The following ANKFN1 variants were observed in gnomAD, a reference collection of about 807,000 sequenced individuals.
The protein encoded by ANKFN1 is ankyrin repeat and fibronectin type III domain containing 1.
In ANKFN1, 74 loss-of-function variants were observed where a neutral mutation model predicts 108.7. The observed-to-expected ratio is 0.68, with a 90% CI of 0.56 to 0.83. The LOEUF is 0.83. Ranked by LOEUF, ANKFN1 falls within the 40% of genes least tolerant of loss-of-function variation. The pLI is 0.00. For missense variants in ANKFN1, 1,505 were observed against 1,382.3 expected, an observed-to-expected ratio of 1.09 and a Z score of -1.41; for synonymous variants, 547 against 516.2, an observed-to-expected ratio of 1.06 and a Z score of -0.81.
intron 4 of ANKFN1, among the ~76,000 whole-genome samples, chr17:56,093,902 G>A (rs1403840371): frequency 6.6e-6 from 1 of 151,258 alleles, no homozygotes; most frequent in African/African-American, 2.4e-5. Flanking sequence ...ACCTCAGAAT[G>A]TAACCTTATT....
At position 56,516,425 on chromosome 17, in the gene ANKFN1, G is replaced by A. The variant is rs936664133; in HGVS notation, c.*5156G>A. On this transcript the variant is annotated 3_prime_UTR_variant, in exon 21 of 21. Coordinates refer to ENST00000682825, the MANE Select transcript of ANKFN1 (RefSeq NM_001370326.1). ...GGTTGTTACTTGTTCAGAATTTATT[G>A]TGTCTTATTGCTATGTATGCAACTG... Among the ~76,000 whole-genome samples, 2 of 152,116 alleles carry A rather than the reference G, an allele frequency of 1.3e-5. No individual in the cohort carries two copies. Among genetic ancestry groups the A allele is most frequent in the African/African-American group, 2.4e-5 (1 of 41,424 alleles).
At chr17:56,049,080 A>G (rs944652453) in intron 4 of ANKFN1, among the ~76,000 whole-genome samples, 3 of 152,176 alleles carry the variant, frequency 2.0e-5, no homozygotes, top group African/African-American at 7.2e-5. Context: ...GATTTGTAGA[A>G]TACTTCTTTT....
chr17:56,368,092 C>T lies in ANKFN1; in HGVS notation c.602-4554C>T, dbSNP rs558519381. 4.9e-6 allele frequency: 5 copies of T among 1,028,102 alleles called. No individual in the cohort carries two copies. The South Asian group carries it at 7.9e-5, about 16-fold the overall frequency. The allele number at this position is 1,028,102 out of a possible 1,614,324, so 63.7% of individuals were successfully genotyped here. ...TCAGATCCAGAGGCTAGTAGTTACA[C>T]TTCTGTAACACCAGATGTTAGTGAC... On this transcript the variant is annotated intron_variant, in intron 6 of 20. Transcript: ENST00000682825.
intron 19 of ANKFN1, among the ~76,000 whole-genome samples, chr17:56,494,062 C>A (rs1312442416): frequency 6.6e-6 from 1 of 152,148 alleles, no homozygotes; most frequent in African/African-American, 2.4e-5. Context: ...TATATTCATT[C>A]ATTCACAAGA....
At position 56,480,793 on chromosome 17, in the gene ANKFN1, A is replaced by G; in HGVS notation, c.2066A>G (p.Gln689Arg). ...ELQMAVKALL[Q>R]QINIPLHQAR... is the part of the protein sequence containing the mutation. The stretch of plus-strand genomic sequence containing the variant: ...CAGATGGCAGTGAAAGCTCTCCTTC[A>G]GCAGATCAATATACCTCTACACCAG... Residue 689 changes from glutamine (Q) to arginine (R), a missense_variant, in exon 17 of 21, where the codon CAG becomes CGG. Physicochemically the swap from Gln to Arg is conservative, Grantham distance 43. Transcript: ENST00000682825. 6.2e-7 allele frequency: 1 copy of G among 1,613,942 alleles called. No individual in the cohort carries two copies. The highest frequency in any genetic ancestry group is 1.3e-5 in the African/African-American group (1 of 74,970).
chr17:56,111,199 A>G (rs1277397023), intron 4 of ANKFN1, among the ~76,000 whole-genome samples: 2 of 152,004 alleles, frequency 1.3e-5, no homozygotes, highest in Non-Finnish European at 2.9e-5. Flanking sequence ...GGGAATCCAA[A>G]TCTCTTCCCC....
intron 8 of ANKFN1, among the ~76,000 whole-genome samples, chr17:56,435,009 T>C (rs1271935142): frequency 1.3e-5 from 2 of 152,198 alleles, no homozygotes; most frequent in Non-Finnish European, 2.9e-5. Context: ...TTAGTTTTTT[T>C]GGTTTCTGAG....
chr17:56,257,563 C>T (rs748745505), intron 3 of ANKFN1, among the ~76,000 whole-genome samples: 4 of 152,162 alleles, frequency 2.6e-5, no homozygotes, highest in African/African-American at 7.2e-5. Context: ...TCTCCCAGGA[C>T]GGTGCCCTCT....
chr17:56,369,582 T>C (rs1056587033), intron 6 of ANKFN1, among the ~76,000 whole-genome samples: 3 of 152,224 alleles, frequency 2.0e-5, no homozygotes, highest in African/African-American at 4.8e-5. Context: ...GCTTAAAATA[T>C]ATTAACCCAG....
At chr17:56,293,024 G>C (rs76163759) in intron 3 of ANKFN1, among the ~76,000 whole-genome samples, 1 of 152,006 alleles carries the variant, frequency 6.6e-6, no homozygotes, top group Non-Finnish European at 1.5e-5. Flanking sequence ...ATATGCCAAT[G>C]GTCATCAATT....
At chr17:56,049,379 C>T (rs1378414250) in intron 4 of ANKFN1, among the ~76,000 whole-genome samples, 2 of 136,446 alleles carry the variant, frequency 1.5e-5, no homozygotes, top group African/African-American at 5.6e-5. Context: ...CATATAGAAG[C>T]GGGTTTGATA....
In ANKFN1 at chr17:56,514,003, C is replaced by T. The variant is rs940108967; in HGVS notation, c.*2734C>T. ...ATTCACAGTCCTTTATTCATTTGGC[C>T]GACCTTCTACTTACAGAGACTTTAC... On this transcript the variant is annotated 3_prime_UTR_variant, in exon 21 of 21. Transcript: ENST00000682825. 5.3e-5 allele frequency among the ~76,000 whole-genome samples: 8 copies of T among 152,046 alleles called. No homozygotes were observed. Among genetic ancestry groups the T allele is most frequent in the African/African-American group, 1.4e-4 (6 of 41,396 alleles).
rs371832750 is a variant in ANKFN1 at position 56,189,391 on chromosome 17, CGATCTCCTGACCTCGT to C, written c.-70-23202_-70-23187del. On this transcript the variant is annotated intron_variant, in intron 1 of 20. Coordinates refer to ENST00000682825, the MANE Select transcript of ANKFN1 (RefSeq NM_001370326.1). ...TTCACCGTTTTAGCCAGGATGGTCT[CGATCTCCTGACCTCGT>C]GATCCGCCCGCCTCGGCCTCCCAAA... Among the ~76,000 whole-genome samples the C allele has an allele frequency of 1.7e-3, 252 of 151,202 alleles. 3 individuals are homozygous for C. The highest frequency in any genetic ancestry group is 5.9e-3 in the African/African-American group (242 of 41,040).
rs747389410 is a variant in ANKFN1 at position 56,350,800 on chromosome 17, A to G, written c.223A>G (p.Asn75Asp). ...TGTGAAAATGACGCAACAAATGCAAAATTTACATCTCTGTCAGTCAAAAAA... is the reference window on the plus strand; with the variant it reads ...TGTGAAAATGACGCAACAAATGCAAGATTTACATCTCTGTCAGTCAAAAAA... ...CRVKMTQQMQNLHLCQSKKHS... is the reference protein window; with the variant it reads ...CRVKMTQQMQDLHLCQSKKHS... The change falls in exon 5 of 21, where the codon AAT (asparagine) becomes GAT (aspartate). Residue 75 changes from asparagine to aspartate, a missense_variant. By Grantham distance (23) the Asn-to-Asp change is conservative. Coordinates refer to ENST00000682825, the MANE Select transcript of ANKFN1 (RefSeq NM_001370326.1). The G allele has an allele frequency of 9.3e-6, 15 of 1,613,666 alleles. No homozygotes were observed. The highest frequency in any genetic ancestry group is 1.2e-5 in the Non-Finnish European group (14 of 1,179,774).
Position 56,505,885 on chromosome 17 carries a change from TAC to T in ANKFN1, c.2645-4586_2645-4585del, listed in dbSNP as rs1332168060. ...CTATTCGTATGTTGGGAGATCAAAA[TAC>T]AGACAGATTTTGCAAAGTGCTTGAC... On this transcript the variant is annotated intron_variant, in intron 20 of 20. Coordinates refer to ENST00000682825, the MANE Select transcript of ANKFN1 (RefSeq NM_001370326.1). Among the ~76,000 whole-genome samples, 9 of 152,310 alleles carry T rather than the reference TAC, an allele frequency of 5.9e-5. No individual in the cohort carries two copies. The East Asian group carries it at 1.2e-3, about 20-fold the overall frequency.
chr17:56,327,713 T>A (rs1419412825), intron 4 of ANKFN1, among the ~76,000 whole-genome samples: 1 of 152,194 alleles, frequency 6.6e-6, no homozygotes, highest in Non-Finnish European at 1.5e-5. Context: ...TAAAGATGTG[T>A]CTTTTGGAAA....
At chr17:56,389,452 C>T (rs2047368240) in intron 8 of ANKFN1, among the ~76,000 whole-genome samples, 1 of 152,094 alleles carries the variant, frequency 6.6e-6, no homozygotes, top group African/African-American at 2.4e-5. Context: ...TTTAAAATAC[C>T]TTGTTTACCT....
chr17:56,058,279 T>C (rs1172196937), intron 4 of ANKFN1, among the ~76,000 whole-genome samples: 1 of 152,242 alleles, frequency 6.6e-6, no homozygotes, highest in African/African-American at 2.4e-5. Flanking sequence ...AATAGAAGGC[T>C]GTTTCATCTG....
intron 18 of ANKFN1, among the ~76,000 whole-genome samples, chr17:56,485,221 A>T (rs1450276164): frequency 2.8e-4 from 43 of 152,234 alleles, no homozygotes; most frequent in Admixed American, 2.8e-3. Context: ...AAACCAATCA[A>T]TAAACCATAA....
Sources: allele counts gnomAD v4.1 joint callset (sites outside exome capture counted in the v4.1 genomes callset), GRCh38; gene constraint gnomAD v4.1.1; transcripts MANE v1.5; gene names NCBI Gene and HGNC (gene_info 2026-07-23, HGNC 2026-07-21).